CD99: variants seen among roughly 807,000 people sequenced by gnomAD.
CD99 encodes CD99 antigen.
Under a neutral mutation model 28.4 loss-of-function variants are expected in CD99, and 19 were observed. The observed-to-expected ratio is 0.67, with a 90% CI of 0.47 to 0.98. The LOEUF (loss-of-function observed/expected upper bound fraction) is 0.98. Ranked by LOEUF, CD99 falls within the 50% of genes least tolerant of loss-of-function variation. The probability of loss-of-function intolerance (pLI) is 0.00; values close to 1 mark genes in which losing one functional copy is unlikely to be tolerated. For synonymous variants in CD99, 103 were observed against 92.1 expected, an observed-to-expected ratio of 1.12 and a Z score of -0.67; for missense variants, 283 against 248.8, an observed-to-expected ratio of 1.14 and a Z score of -0.92.
chrX:2,728,452 T>G (rs1375927844), intron 8 of CD99, among the ~76,000 whole-genome samples: 3 of 152,110 alleles, frequency 2.0e-5, no homozygotes, highest in Non-Finnish European at 2.9e-5. Context: ...TGCCTTGACC[T>G]CCCAAAGTGT....
At chrX:2,692,054 G>C in intron 1 of CD99, 1 of 625,256 alleles carries the variant, frequency 1.6e-6, no homozygotes, top group Admixed American at 2.7e-5. Flanking sequence ...TTACCAAATT[G>C]TCCATCTGCG....
At chrX:2,716,716 A>T (rs555314660) in intron 2 of CD99, among the ~76,000 whole-genome samples, 1 of 152,140 alleles carries the variant, frequency 6.6e-6, no homozygotes, top group Non-Finnish European at 1.5e-5. Context: ...TTGAGCGGAA[A>T]CAGTGCTGAT....
chrX:2,739,123 C>T (rs1337854797), intron 9 of CD99, among the ~76,000 whole-genome samples: 1 of 152,122 alleles, frequency 6.6e-6, no homozygotes, highest in Non-Finnish European at 1.5e-5. Flanking sequence ...CCGACCTCAG[C>T]TTCCCAGAGT....
chrX:2,706,666 G>A (rs5982837), intron 1 of CD99, among the ~76,000 whole-genome samples: 3,276 of 152,090 alleles, frequency 0.022, 126 homozygotes, highest in African/African-American at 0.075. Flanking sequence ...CACCCTTAAT[G>A]GAGATGAACG....
intron 1 of CD99, among the ~76,000 whole-genome samples, chrX:2,702,817 TTTCGC>T (rs1450547076): frequency 1.3e-5 from 2 of 152,150 alleles, no homozygotes; most frequent in African/African-American, 2.4e-5. Flanking sequence ...AGTCTCCCTC[TTTCGC>T]CAAGGCTGGA....
At chrX:2,710,168 G>A (rs946637441) in intron 1 of CD99, among the ~76,000 whole-genome samples, 8 of 56,470 alleles carry the variant, frequency 1.4e-4, no homozygotes, top group African/African-American at 5.5e-4. Flanking sequence ...GAACCTGGGA[G>A]GAGAGTTCTA....
intron 9 of CD99, among the ~76,000 whole-genome samples, chrX:2,739,055 C>T (rs2050081035): frequency 6.6e-6 from 1 of 151,770 alleles, no homozygotes; most frequent in Non-Finnish European, 1.5e-5. Context: ...GACAAGGTCT[C>T]ACTAGGTTGC....
intron 8 of CD99, among the ~76,000 whole-genome samples, chrX:2,732,996 C>T (rs1242962685): frequency 4.7e-5 from 7 of 148,342 alleles, no homozygotes; most frequent in African/African-American, 9.9e-5. Flanking sequence ...ACTTCTTCCT[C>T]CCTCCCTTCC....
intron 8 of CD99, among the ~76,000 whole-genome samples, chrX:2,726,775 A>C (rs1043731148): frequency 1.3e-5 from 2 of 152,050 alleles, no homozygotes; most frequent in African/African-American, 4.8e-5. Flanking sequence ...AACCGATGTC[A>C]TCATCAGGAG....
At chrX:2,733,841 G>A (rs1196182061) in intron 8 of CD99, among the ~76,000 whole-genome samples, 1 of 152,190 alleles carries the variant, frequency 6.6e-6, no homozygotes, top group Non-Finnish European at 1.5e-5. Flanking sequence ...AATCTTCAAC[G>A]TTTTTGGCCG....
rs544232838 is a variant in CD99 at position 2,737,702 on chromosome X, G to A, written c.476-498G>A. ...GTAGAGACGGGGTTTCACCATGTTG[G>A]CCAGGCTGGTCTCGAACTCCTGACC... On this transcript the variant is annotated intron_variant, in intron 8 of 9. Transcript: ENST00000381192. 1.5e-3 allele frequency among the ~76,000 whole-genome samples: 221 copies of A among 151,596 alleles called. No individual in the cohort carries two copies. The East Asian group carries it at 0.016, about 11-fold the overall frequency.
chrX:2,727,625 C>T (rs776364071), intron 8 of CD99, among the ~76,000 whole-genome samples: 4 of 152,160 alleles, frequency 2.6e-5, no homozygotes, highest in East Asian at 3.9e-4. Flanking sequence ...TATAGGCACC[C>T]GCCACCACGC....
chrX:2,733,388 C>G, intron 8 of CD99: 1 of 1,592,466 alleles, frequency 6.3e-7, no homozygotes, highest in Admixed American at 1.8e-5. Flanking sequence ...AGCAGAGAAC[C>G]CAGCCCAGGC....
chrX:2,719,117 C>T (rs2048876580), intron 3 of CD99: 1 of 154,174 alleles, frequency 6.5e-6, no homozygotes. Context: ...ATTCTTCATA[C>T]TAGAAGACAA....
intron 8 of CD99, among the ~76,000 whole-genome samples, chrX:2,736,477 G>A: frequency 6.6e-6 from 1 of 152,148 alleles, no homozygotes; most frequent in East Asian, 1.9e-4. Context: ...CTTATGCTGT[G>A]GGTCAGAAAA....
chrX:2,740,095 AAAT>A (rs201441438), intron 9 of CD99, among the ~76,000 whole-genome samples: 30,173 of 150,814 alleles, frequency 0.2, 3,165 homozygotes, highest in African/African-American at 0.26. Flanking sequence ...TCTGTCTCAA[AAAT>A]AATAATAATA....
At chrX:2,720,783 C>G (rs1349771521) in intron 5 of CD99, among the ~76,000 whole-genome samples, 1 of 151,854 alleles carries the variant, frequency 6.6e-6, no homozygotes, top group Non-Finnish European at 1.5e-5. Context: ...CACTGCCATG[C>G]CCGGCTAATT....
At chrX:2,730,965 A>G (rs1234648209) in intron 8 of CD99, among the ~76,000 whole-genome samples, 6 of 151,688 alleles carry the variant, frequency 4.0e-5, no homozygotes, top group Non-Finnish European at 5.9e-5. Context: ...GAAAACAAAA[A>G]CAAGGCACTC....
At chrX:2,697,885 T>C (rs1186790869) in intron 1 of CD99, among the ~76,000 whole-genome samples, 1 of 151,864 alleles carries the variant, frequency 6.6e-6, no homozygotes, top group African/African-American at 2.4e-5. Context: ...TAGTGCAGAC[T>C]CATAGAATAG....
Sources: gnomAD v4.1 joint callset for allele counts (sites outside exome capture counted in the v4.1 genomes callset) on GRCh38, gnomAD v4.1.1 for gene constraint, MANE v1.5 for transcripts, NCBI Gene and HGNC (gene_info 2026-07-23, HGNC 2026-07-21) for gene names.